The following PDGFC variants were observed in gnomAD, a reference collection of about 807,000 sequenced individuals.
PDGFC encodes the protein platelet-derived growth factor C.
PDGFC carries 12 observed loss-of-function variants against 35.5 expected under a neutral mutation model. That is an observed-to-expected ratio of 0.34 (90% CI 0.22 to 0.55). The LOEUF (loss-of-function observed/expected upper bound fraction) is 0.55. PDGFC is among the 20% of genes least tolerant of loss of function. PDGFC has a pLI of 0.91. For missense variants in PDGFC, 322 were observed against 412.4 expected, an observed-to-expected ratio of 0.78 and a Z score of 1.90; for synonymous variants, 159 against 148.8, an observed-to-expected ratio of 1.07 and a Z score of -0.50.
chr4:156,815,371 G>A (rs901084928), intron 2 of PDGFC, among the ~76,000 whole-genome samples: 18 of 143,358 alleles, frequency 1.3e-4, no homozygotes, highest in Admixed American at 6.3e-4. Context: ...CACACACCCC[G>A]TTGTCACTTC....
intron 3 of PDGFC, among the ~76,000 whole-genome samples, chr4:156,794,104 T>C (rs1226159825): frequency 1.3e-5 from 2 of 152,286 alleles, no homozygotes; most frequent in Admixed American, 6.5e-5. Context: ...GTGTGGATTA[T>C]GGCAGCTTGT....
chr4:156,965,720 G>T (rs1460744389), intron 1 of PDGFC, among the ~76,000 whole-genome samples: 1 of 152,074 alleles, frequency 6.6e-6, no homozygotes, highest in Non-Finnish European at 1.5e-5. Context: ...AAAGCCAAAA[G>T]AGCTGCAGGA....
At chr4:156,890,285 C>G (rs1199734287) in intron 1 of PDGFC, among the ~76,000 whole-genome samples, 1 of 151,858 alleles carries the variant, frequency 6.6e-6, no homozygotes, top group Middle Eastern at 3.4e-3. Context: ...GGGATTTGTC[C>G]ACTGCAAAAA....
At chr4:156,891,823 C>A (rs1730519239) in intron 1 of PDGFC, among the ~76,000 whole-genome samples, 1 of 152,108 alleles carries the variant, frequency 6.6e-6, no homozygotes, top group African/African-American at 2.4e-5. Flanking sequence ...ATTCATAATG[C>A]CAAAGGTAAA....
At chr4:156,855,489 G>A (rs1056379138) in intron 1 of PDGFC, among the ~76,000 whole-genome samples, 6 of 152,162 alleles carry the variant, frequency 3.9e-5, no homozygotes, top group African/African-American at 1.4e-4. Flanking sequence ...TCTGTTTCAT[G>A]TAGGCACGAC....
chr4:156,934,652 A>G (rs1336103125), intron 1 of PDGFC, among the ~76,000 whole-genome samples: 1 of 152,198 alleles, frequency 6.6e-6, no homozygotes, highest in Non-Finnish European at 1.5e-5. Flanking sequence ...TTGCAATAAC[A>G]TTTAGTTTAA....
chr4:156,956,911 A>G (rs1002693617), intron 1 of PDGFC, among the ~76,000 whole-genome samples: 3 of 151,994 alleles, frequency 2.0e-5, no homozygotes, highest in Non-Finnish European at 4.4e-5. Flanking sequence ...GGATGTTCCA[A>G]TGGAACTGAG....
intron 1 of PDGFC, among the ~76,000 whole-genome samples, chr4:156,898,157 C>T (rs1443622582): frequency 1.3e-5 from 2 of 152,098 alleles, no homozygotes; most frequent in African/African-American, 2.4e-5. Flanking sequence ...AAAAGAAACC[C>T]AGAGAGCTCA....
intron 1 of PDGFC, among the ~76,000 whole-genome samples, chr4:156,963,891 G>T (rs1235844874): frequency 6.6e-6 from 1 of 150,598 alleles, no homozygotes; most frequent in East Asian, 2.0e-4. Context: ...TGGGAACTTT[G>T]CAAACCAAAG....
chr4:156,932,299 A>G (rs1055629447), intron 1 of PDGFC, among the ~76,000 whole-genome samples: 8 of 152,184 alleles, frequency 5.3e-5, no homozygotes, highest in Admixed American at 2.6e-4. Context: ...GTTTGTGTTC[A>G]AAGAGTGAAG....
chr4:156,937,332 T>C (rs1376137712), intron 1 of PDGFC, among the ~76,000 whole-genome samples: 1 of 152,090 alleles, frequency 6.6e-6, no homozygotes, highest in East Asian at 1.9e-4. Flanking sequence ...GCAAACCCAA[T>C]ATGAGGTATT....
intron 3 of PDGFC, among the ~76,000 whole-genome samples, chr4:156,810,016 T>TA (rs557092674): frequency 5.0e-4 from 76 of 151,840 alleles, no homozygotes; most frequent in African/African-American, 1.6e-3. Flanking sequence ...CACCCTAGCC[T>TA]AAAAAATATT....
intron 2 of PDGFC, among the ~76,000 whole-genome samples, chr4:156,823,689 A>G (rs6855547): frequency 0.059 from 9,029 of 152,214 alleles, 879 homozygotes; most frequent in African/African-American, 0.21. Flanking sequence ...GGTTCCTCAA[A>G]AAGAGAAAAA....
chr4:156,876,556 G>A (rs1161255190), intron 1 of PDGFC: 3 of 152,128 alleles, frequency 2.0e-5, no homozygotes, highest in African/African-American at 7.2e-5. Context: ...CAGGGGCAGG[G>A]TTTATATATC....
rs1729710407 is a variant in PDGFC, at chr4:156,861,573, A to AT, written c.119-11158dup. 1.1e-5 allele frequency: 5 copies of AT among 443,538 alleles called. No homozygotes were observed. The Admixed American group carries it at 1.7e-4, about 15-fold the overall frequency. 27.5% of individuals were successfully genotyped at this position (443,538 alleles called of 1,614,324 possible). A position where few individuals can be genotyped will look rare whatever the true frequency, so the allele number is the denominator to read the frequency against. On this transcript the variant is annotated intron_variant, in intron 1 of 5. Transcript: ENST00000502773. ...GGTGGTTCAGAATCTTCAATTTCAGATTTTGGAAGTTAAAAAAATTTGAAG... is the reference window on the plus strand; with the variant it reads ...GGTGGTTCAGAATCTTCAATTTCAGATTTTTGGAAGTTAAAAAAATTTGAAG...
intron 2 of PDGFC, among the ~76,000 whole-genome samples, chr4:156,813,756 A>G (rs1732004754): frequency 6.6e-6 from 1 of 152,152 alleles, no homozygotes; most frequent in African/African-American, 2.4e-5. Context: ...GCACATTCCA[A>G]TGGGCTCGAT....
intron 2 of PDGFC, among the ~76,000 whole-genome samples, chr4:156,830,497 G>A (rs1355389657): frequency 6.6e-6 from 1 of 152,134 alleles, no homozygotes; most frequent in Non-Finnish European, 1.5e-5. Context: ...GGGCTACTTA[G>A]GGCTTTAGTC....
At chr4:156,967,293 C>G (rs141167557) in intron 1 of PDGFC, 265 of 152,068 alleles carry the variant, frequency 1.7e-3, no homozygotes, top group African/African-American at 6.1e-3. Flanking sequence ...GATACAGGAG[C>G]ATTGACAGTA....
At chr4:156,965,338 C>T (rs1036481826) in intron 1 of PDGFC, among the ~76,000 whole-genome samples, 1 of 152,110 alleles carries the variant, frequency 6.6e-6, no homozygotes. Context: ...GGAGTTCCTA[C>T]AGGAAGCGAT....
Sources: allele counts gnomAD v4.1 joint callset (sites outside exome capture counted in the v4.1 genomes callset), GRCh38; gene constraint gnomAD v4.1.1; transcripts MANE v1.5; gene names NCBI Gene and HGNC (gene_info 2026-07-23, HGNC 2026-07-21).